The following ARMH3 variants were observed in gnomAD, a reference collection of about 807,000 sequenced individuals.
The protein encoded by ARMH3 is armadillo-like helical domain-containing protein 3.
In ARMH3, 60 loss-of-function variants were observed where a neutral mutation model predicts 99.1. The observed-to-expected ratio is 0.61, with a 90% CI of 0.49 to 0.75. The LOEUF (loss-of-function observed/expected upper bound fraction) is 0.75, where lower values mean the gene tolerates loss of function less well. ARMH3 is among the 30% of genes least tolerant of loss of function. The pLI, the probability that ARMH3 is intolerant of heterozygous loss-of-function variation, is 0.00. For missense variants in ARMH3, 679 were observed against 843.1 expected, an observed-to-expected ratio of 0.81 and a Z score of 2.41; for synonymous variants, 285 against 292.8, an observed-to-expected ratio of 0.97 and a Z score of 0.27.
At chr10:101,985,225 C>T (rs1325000730) in intron 19 of ARMH3, among the ~76,000 whole-genome samples, 2 of 143,244 alleles carry the variant, frequency 1.4e-5, no homozygotes, top group Non-Finnish European at 3.0e-5. Context: ...TATATATATA[C>T]GTATATACAT....
chr10:101,874,784 T>C (rs1378935698), intron 24 of ARMH3, among the ~76,000 whole-genome samples: 2 of 152,128 alleles, frequency 1.3e-5, no homozygotes, highest in African/African-American at 4.8e-5. Context: ...GCCAATAGTT[T>C]ATGGATCTGC....
chr10:101,990,196 TTTC>T (rs1252907382), intron 19 of ARMH3, among the ~76,000 whole-genome samples: 77 of 150,396 alleles, frequency 5.1e-4, no homozygotes, highest in African/African-American at 1.7e-3. Flanking sequence ...TTTTTTTTTT[TTTC>T]CCAGACAGAG....
At chr10:102,002,730 T>A (rs572449567) in intron 14 of ARMH3, among the ~76,000 whole-genome samples, 1 of 151,650 alleles carries the variant, frequency 6.6e-6, no homozygotes, top group African/African-American at 2.4e-5. Context: ...GGAGCCCGAG[T>A]TGGGCACATC....
intron 24 of ARMH3, among the ~76,000 whole-genome samples, chr10:101,886,158 CCAGA>C (rs1053216799): frequency 1.3e-5 from 2 of 151,670 alleles, no homozygotes; most frequent in African/African-American, 4.8e-5. Context: ...ACAATTAACC[CCAGA>C]CAAATATAGC....
At chr10:102,002,979 A>G (rs1322961461) in intron 14 of ARMH3, among the ~76,000 whole-genome samples, 1 of 150,824 alleles carries the variant, frequency 6.6e-6, no homozygotes, top group African/African-American at 2.4e-5. Flanking sequence ...AAATAAATAA[A>G]TAAATAAATA....
intron 4 of ARMH3, among the ~76,000 whole-genome samples, chr10:102,031,065 T>C (rs1361560344): frequency 4.6e-5 from 7 of 152,190 alleles, no homozygotes; most frequent in African/African-American, 1.7e-4. Flanking sequence ...ATTACAGGCG[T>C]GAGCCACCAC....
chr10:101,921,558 T>G (rs559027641), intron 23 of ARMH3, among the ~76,000 whole-genome samples: 1 of 152,264 alleles, frequency 6.6e-6, no homozygotes, highest in East Asian at 1.9e-4. Flanking sequence ...CTATTCACAA[T>G]AGCAAAGATA....
chr10:102,004,135 T>C (rs1180651463), intron 14 of ARMH3, among the ~76,000 whole-genome samples: 4 of 152,132 alleles, frequency 2.6e-5, no homozygotes, highest in East Asian at 1.9e-4. Context: ...CAAGGCTGAG[T>C]TGTCAAATGT....
intron 13 of ARMH3, among the ~76,000 whole-genome samples, chr10:102,008,924 G>A (rs188911560): frequency 3.4e-4 from 51 of 152,188 alleles, no homozygotes; most frequent in Admixed American, 1.8e-3. Context: ...TCTGTTAACA[G>A]CTAACCTTAA....
intron 20 of ARMH3, among the ~76,000 whole-genome samples, chr10:101,959,771 G>A (rs1426443437): frequency 6.6e-6 from 1 of 152,080 alleles, no homozygotes; most frequent in Non-Finnish European, 1.5e-5. Context: ...GGAGAGTCCA[G>A]TACCACAATA....
chr10:101,877,548 TATTCA>T lies in ARMH3; in HGVS notation c.1860+11859_1860+11863del, dbSNP rs1409234616. ...GATGGCGTGTGCCTGTAATCCCAGCTATTCAGGTGAGACAGGAGAATCGCTTGAAC... is the reference window on the plus strand; with the variant it reads ...GATGGCGTGTGCCTGTAATCCCAGCTGGTGAGACAGGAGAATCGCTTGAAC... On this transcript the variant is annotated intron_variant, in intron 24 of 25. Coordinates refer to ENST00000370033, the MANE Select transcript of ARMH3 (RefSeq NM_024541.3). Among the ~76,000 whole-genome samples, 4 of 151,846 alleles carry T rather than the reference TATTCA, an allele frequency of 2.6e-5. No homozygotes were observed. The South Asian group carries it at 6.3e-4, about 24-fold the overall frequency.
chr10:101,965,388 TACTC>T (rs1455587442), intron 20 of ARMH3, among the ~76,000 whole-genome samples: 1 of 152,092 alleles, frequency 6.6e-6, no homozygotes, highest in Non-Finnish European at 1.5e-5. Context: ...GAGCCAAATA[TACTC>T]AATCAACAGA....
intron 15 of ARMH3, among the ~76,000 whole-genome samples, chr10:101,998,956 C>T (rs1402420852): frequency 6.6e-6 from 1 of 152,156 alleles, no homozygotes; most frequent in African/African-American, 2.4e-5. Context: ...TGAAGTTCAT[C>T]TGTGGACCAT....
At chr10:102,023,613 G>C in intron 7 of ARMH3, 50 bp from the exon 8 acceptor site, 1 of 1,609,592 alleles carries the variant, frequency 6.2e-7, no homozygotes. Flanking sequence ...TGGTTCCTGA[G>C]AACACAGAGA....
chr10:101,874,831 G>A (rs1475918319), intron 24 of ARMH3, among the ~76,000 whole-genome samples: 2 of 152,094 alleles, frequency 1.3e-5, no homozygotes, highest in Non-Finnish European at 2.9e-5. Context: ...CAAGGAGAAC[G>A]GGGAGGTTTA....
At chr10:101,968,225 T>C (rs1043800756) in intron 20 of ARMH3, among the ~76,000 whole-genome samples, 1 of 152,130 alleles carries the variant, frequency 6.6e-6, no homozygotes, top group Non-Finnish European at 1.5e-5. Flanking sequence ...TAACCAAGCA[T>C]GCTCAGGAGC....
chr10:101,973,695 T>C (rs558702058), intron 20 of ARMH3, among the ~76,000 whole-genome samples: 97 of 151,580 alleles, frequency 6.4e-4, no homozygotes, highest in Admixed American at 1.8e-3. Context: ...AGGCCAGAGA[T>C]AGAATAGCTA....
At chr10:101,867,403 C>A (rs1479215473) in intron 24 of ARMH3, among the ~76,000 whole-genome samples, 7 of 152,156 alleles carry the variant, frequency 4.6e-5, no homozygotes, top group Non-Finnish European at 1.0e-4. Flanking sequence ...ATCAGAGGGT[C>A]ATAAAGACCT....
intron 20 of ARMH3, among the ~76,000 whole-genome samples, chr10:101,962,770 C>T (rs917761068): frequency 6.6e-6 from 1 of 152,254 alleles, no homozygotes; most frequent in African/African-American, 2.4e-5. Flanking sequence ...ACTCCCACTG[C>T]TGAGGTCTAT....
Sources: allele counts gnomAD v4.1 joint callset (sites outside exome capture counted in the v4.1 genomes callset), GRCh38; gene constraint gnomAD v4.1.1; transcripts MANE v1.5; gene names NCBI Gene and HGNC (gene_info 2026-07-23, HGNC 2026-07-21).